IKZF3: variants seen among roughly 807,000 people sequenced by gnomAD.
IKZF3 encodes the protein IKAROS family zinc finger 3, also known as zinc finger protein Aiolos.
Under a neutral mutation model 49.0 loss-of-function variants are expected in IKZF3, and 10 were observed. The observed-to-expected ratio is 0.20, with a 90% CI of 0.13 to 0.35. IKZF3 has a LOEUF of 0.35. Among genes scored for constraint, IKZF3 ranks in the 10% least tolerant of loss-of-function variants. The pLI is 1.00. For synonymous variants in IKZF3, 209 were observed against 228.2 expected, an observed-to-expected ratio of 0.92 and a Z score of 0.76; for missense variants, 498 against 664.8, an observed-to-expected ratio of 0.75 and a Z score of 2.76.
intron 6 of IKZF3, 97 bp downstream of exon 6, chr17:39,788,161 C>G: frequency 2.8e-6 from 2 of 711,444 alleles, no homozygotes; most frequent in Non-Finnish European, 4.9e-6. Context: ...CTGTCTGCCC[C>G]CAGTAAAATA....
intron 6 of IKZF3, among the ~76,000 whole-genome samples, chr17:39,782,597 T>C (rs1175643164): frequency 1.3e-5 from 2 of 152,230 alleles, no homozygotes; most frequent in African/African-American, 2.4e-5. Context: ...TCTAGACTTG[T>C]TATCTTGCCA....
intron 1 of IKZF3, among the ~76,000 whole-genome samples, chr17:39,852,965 CA>C (rs2062923683): frequency 6.6e-6 from 1 of 151,706 alleles, no homozygotes; most frequent in Admixed American, 6.6e-5. Flanking sequence ...AGTGAGACTA[CA>C]TCTCAAAAAA....
intron 3 of IKZF3, among the ~76,000 whole-genome samples, chr17:39,808,357 T>C (rs957663973): frequency 3.9e-5 from 6 of 152,194 alleles, no homozygotes; most frequent in African/African-American, 7.2e-5. Context: ...AAATCAAGTA[T>C]AAAAGAGTTG....
chr17:39,826,918 G>C (rs1206922114), intron 3 of IKZF3, among the ~76,000 whole-genome samples: 2 of 152,196 alleles, frequency 1.3e-5, no homozygotes, highest in African/African-American at 4.8e-5. Context: ...ATTCCCCAGG[G>C]GGAAGACCCC....
intron 6 of IKZF3, among the ~76,000 whole-genome samples, chr17:39,785,801 T>A (rs2060860412): frequency 6.6e-6 from 1 of 152,154 alleles, no homozygotes. Context: ...TGTAAAAGAC[T>A]CAAATGTCCA....
intron 5 of IKZF3, among the ~76,000 whole-genome samples, chr17:39,790,822 A>T (rs1323211966): frequency 2.0e-5 from 3 of 151,944 alleles, no homozygotes; most frequent in Non-Finnish European, 4.4e-5. Context: ...TTGGGAGGTC[A>T]AAGTGGGAGG....
intron 7 of IKZF3, among the ~76,000 whole-genome samples, chr17:39,767,180 G>A (rs1048536342): frequency 1.6e-4 from 25 of 152,166 alleles, no homozygotes; most frequent in African/African-American, 6.0e-4. Context: ...CTTTCCTAAC[G>A]TGTGTTTCTC....
chr17:39,762,310 A>T lies in IKZF3; in HGVS notation c.*3480T>A, dbSNP rs2060200333. ...GGGGTATGTACAGAAGGCAGCGTTT[A>T]TCTGTGTGATGGTAACCACTGCATA... is the stretch of plus-strand genomic sequence containing the variant. On this transcript the variant is annotated 3_prime_UTR_variant, in exon 8 of 8. Coordinates refer to ENST00000346872, the MANE Select transcript of IKZF3 (RefSeq NM_012481.5). 6.6e-6 allele frequency: 1 copy of T among 152,218 alleles called. No individual in the cohort carries two copies. Among genetic ancestry groups the T allele is most frequent in the Non-Finnish European group, 1.5e-5 (1 of 68,040 alleles). The allele number at this position is 152,218 out of a possible 1,614,324, so 9.4% of individuals were successfully genotyped here. A position where few individuals can be genotyped will look rare whatever the true frequency, so the allele number is the denominator to read the frequency against.
chr17:39,786,546 C>A (rs2060879764), intron 6 of IKZF3, among the ~76,000 whole-genome samples: 1 of 152,170 alleles, frequency 6.6e-6, no homozygotes, highest in Non-Finnish European at 1.5e-5. Flanking sequence ...ATGTCAAAAT[C>A]TTTCCTAGCA....
rs138345080 is a variant in IKZF3 at position 39,826,522 on chromosome 17, G to A, written c.163+2865C>T. On this transcript the variant is annotated intron_variant, in intron 3 of 7. Transcript: ENST00000346872. ...TTTCAGTTTCTGATTCATGGGCAAT[G>A]GCCAACAGCCTGGCCATGTGGTAAG... Among the ~76,000 whole-genome samples the A allele has an allele frequency of 3.8e-3, 578 of 152,330 alleles. 3 individuals are homozygous for A. The highest frequency in any genetic ancestry group is 5.4e-3 in the Non-Finnish European group (370 of 68,038).
intron 3 of IKZF3, among the ~76,000 whole-genome samples, chr17:39,821,633 T>G (rs995282439): frequency 6.6e-6 from 1 of 151,652 alleles, no homozygotes; most frequent in Non-Finnish European, 1.5e-5. Flanking sequence ...TTAAAAAGAG[T>G]GTTGGGTTGG....
At chr17:39,804,029 A>T (rs1042786636) in intron 3 of IKZF3, among the ~76,000 whole-genome samples, 1 of 152,204 alleles carries the variant, frequency 6.6e-6, no homozygotes, top group African/African-American at 2.4e-5. Flanking sequence ...GTTTTGTGTT[A>T]TATCACAATT....
In IKZF3 at chr17:39,864,255, G is replaced by A; in HGVS notation, c.-129C>T. 9.2e-7 allele frequency: 1 copy of A among 1,086,234 alleles called. No individual in the cohort carries two copies. The highest frequency in any genetic ancestry group is 1.3e-6 in the Non-Finnish European group (1 of 757,952). The allele number at this position is 1,086,234 out of a possible 1,614,324, so 67.3% of individuals were successfully genotyped here. A position where few individuals can be genotyped will look rare whatever the true frequency, so the allele number is the denominator to read the frequency against. ...CGCGGGGAGTCCCCGGGATCCGGCA[G>A]CCGCGTCGGCGCAGACTGAAAAGGG... On this transcript the variant is annotated 5_prime_UTR_variant, in exon 1 of 8. Coordinates refer to ENST00000346872, the MANE Select transcript of IKZF3 (RefSeq NM_012481.5).
chr17:39,819,385 C>T lies in IKZF3; in HGVS notation c.163+10002G>A, dbSNP rs1173688706. Among the ~76,000 whole-genome samples the T allele has an allele frequency of 4.6e-5, 7 of 152,304 alleles. No homozygotes were observed. In the East Asian group the frequency reaches 1.3e-3, roughly 29 times the overall value. ...TCAGAAAAAAAACAAGCCACAGGCA[C>T]AGCTATCATTTGCCTCATTCTGAGT... On this transcript the variant is annotated intron_variant, in intron 3 of 7. Coordinates refer to ENST00000346872, the MANE Select transcript of IKZF3 (RefSeq NM_012481.5).
At chr17:39,835,362 G>A in intron 1 of IKZF3, 3 of 493,952 alleles carry the variant, frequency 6.1e-6, no homozygotes, top group South Asian at 3.1e-5. Context: ...GGACCCCCTG[G>A]CATTGGCATC....
intron 3 of IKZF3, among the ~76,000 whole-genome samples, chr17:39,796,020 C>A (rs867584834): frequency 5.3e-5 from 8 of 151,678 alleles, no homozygotes; most frequent in Non-Finnish European, 1.2e-4. Context: ...CCAGCCTGGG[C>A]GACAGAGCGA....
chr17:39,800,661 C>T (rs1030165997), intron 3 of IKZF3, among the ~76,000 whole-genome samples: 9 of 152,192 alleles, frequency 5.9e-5, no homozygotes, highest in African/African-American at 2.2e-4. Flanking sequence ...AACACACACA[C>T]ACACCCCAGA....
rs986542177 is a variant in IKZF3, at chr17:39,864,291, C to A, written c.-165G>T. On this transcript the variant is annotated 5_prime_UTR_variant, in exon 1 of 8. Transcript: ENST00000346872. ...GCAGACTGAAAAGGGCAGGAGCCGG[C>A]GACCTGCCGGTGCGCGGGGTTACAG... The A allele has an allele frequency of 8.5e-6, 6 of 705,548 alleles. No individual in the cohort carries two copies. In the Admixed American group the frequency reaches 2.2e-4, roughly 25 times the overall value. The allele number at this position is 705,548 out of a possible 1,614,324, so 43.7% of individuals were successfully genotyped here. A position where few individuals can be genotyped will look rare whatever the true frequency, so the allele number is the denominator to read the frequency against.
intron 5 of IKZF3, among the ~76,000 whole-genome samples, 189 bp from the exon 6 acceptor site, chr17:39,788,563 C>A (rs568670678): frequency 1.3e-5 from 2 of 152,152 alleles, no homozygotes; most frequent in Non-Finnish European, 2.9e-5. Context: ...TTAATTATTA[C>A]GTCAGAGTAT....
Sources: allele counts gnomAD v4.1 joint callset (sites outside exome capture counted in the v4.1 genomes callset), GRCh38; gene constraint gnomAD v4.1.1; transcripts MANE v1.5; gene names NCBI Gene and HGNC (gene_info 2026-07-23, HGNC 2026-07-21).